EXOSC3: variants seen among roughly 807,000 people sequenced by gnomAD.
EXOSC3 encodes exosome component 3, also known as exosome complex component RRP40.
Under a neutral mutation model 25.1 loss-of-function variants are expected in EXOSC3, and 18 were observed. That is an observed-to-expected ratio of 0.72 (90% confidence interval 0.50 to 1.06). The LOEUF is 1.06. Ranked by LOEUF, EXOSC3 falls within the 50% of genes least tolerant of loss-of-function variation. The probability of loss-of-function intolerance (pLI) is 0.00; values close to 1 mark genes in which losing one functional copy is unlikely to be tolerated. For synonymous variants in EXOSC3, 165 were observed against 132.2 expected (o/e 1.25, Z -1.70); for missense variants, 382 against 350.9 (o/e 1.09, Z -0.71).
In EXOSC3 at chr9:37,783,979, C is replaced by T; in HGVS notation, c.409G>A (p.Glu137Lys). 1 of 1,613,972 alleles carries T rather than the reference C, an allele frequency of 6.2e-7. No individual in the cohort carries two copies. Among genetic ancestry groups the T allele is most frequent in the Non-Finnish European group, 8.5e-7 (1 of 1,179,982 alleles). ...GACAAGTAAGACAAAGAAGCTGGCT[C>T]ACTCCCTCCAACATCAACTTTGAAT... ...DIFKVDVGGS[E>K]PASLSYLSFE... is the part of the protein sequence containing the mutation. Residue 137 changes from glutamate to lysine, a missense_variant, in exon 2 of 4, where the codon GAG becomes AAG. By Grantham distance (56) the Glu-to-Lys change is moderately conservative. Coordinates refer to ENST00000327304, the MANE Select transcript of EXOSC3 (RefSeq NM_016042.4).
rs1030868091 is a variant in EXOSC3, at chr9:37,785,053, C to T, written c.-9G>A. 4.4e-6 allele frequency: 7 copies of T among 1,585,622 alleles called. No individual in the cohort carries two copies. The highest frequency in any genetic ancestry group is 1.3e-5 in the African/African-American group (1 of 74,584). ...GACGCAGGTTCGGCCATCGCGGGCT[C>T]CACCAAACACCGTTTCCGGTACCCG... On this transcript the variant is annotated 5_prime_UTR_variant, in exon 1 of 4. Coordinates refer to ENST00000327304, the MANE Select transcript of EXOSC3 (RefSeq NM_016042.4).
rs1421464001 is a variant in EXOSC3 at position 37,780,319 on chromosome 9, T to G, written c.*360A>C. The G allele has an allele frequency of 4.2e-6, 1 of 238,230 alleles. No individual in the cohort carries two copies. Among genetic ancestry groups the G allele is most frequent in the African/African-American group, 2.3e-5 (1 of 42,860 alleles). The allele number at this position is 238,230 out of a possible 1,614,324, so 14.8% of individuals were successfully genotyped here. On this transcript the variant is annotated 3_prime_UTR_variant, in exon 4 of 4. Coordinates refer to ENST00000327304, the MANE Select transcript of EXOSC3 (RefSeq NM_016042.4). ...CAGGTGACATTTCTTTGCTGCTTTA[T>G]ACTTAGGTATTCCACATTTCCTCTG...
chr9:37,781,807 A>G lies in EXOSC3; in HGVS notation c.626+179T>C. 3 of 663,440 alleles carry G rather than the reference A, an allele frequency of 4.5e-6. No individual in the cohort carries two copies. The South Asian group carries it at 6.4e-5, about 14-fold the overall frequency. The allele number at this position is 663,440 out of a possible 1,614,324, so 41.1% of individuals were successfully genotyped here. ...ACAGCCAAACACATCTGAATTTGAT[A>G]TGTTTCCAAGAAGATAGGATTAAAT... On this transcript the variant is annotated intron_variant, in intron 3 of 3. Transcript: ENST00000327304.
rs1417569890 is a variant in EXOSC3 at position 37,779,984 on chromosome 9, T to TA, written c.*694dup. ...TTGGATTCAGAAATCCTCATAGTGT[T>TA]ATTTATATAATGATAAAACTCAAAA... On this transcript the variant is annotated 3_prime_UTR_variant, in exon 4 of 4. Transcript: ENST00000327304. 6.6e-6 allele frequency: 1 copy of TA among 152,234 alleles called. No homozygotes were observed. Among genetic ancestry groups the TA allele is most frequent in the African/African-American group, 2.4e-5 (1 of 41,466 alleles). The allele number at this position is 152,234 out of a possible 1,614,324, so 9.4% of individuals were successfully genotyped here.
In EXOSC3 at chr9:37,780,251, AG is replaced by A. The variant is rs1263315991; in HGVS notation, c.*427del. Reference sequence around the variant, plus strand: ...AAACACAATACTTGGTAAATGAAAAAGTATTTCGTTGTTATATACTCACCCG... The same window carrying A: ...AAACACAATACTTGGTAAATGAAAAATATTTCGTTGTTATATACTCACCCG... On this transcript the variant is annotated 3_prime_UTR_variant, in exon 4 of 4. Coordinates refer to ENST00000327304, the MANE Select transcript of EXOSC3 (RefSeq NM_016042.4). 1 of 161,954 alleles carries A rather than the reference AG, an allele frequency of 6.2e-6. No homozygotes were observed. Among genetic ancestry groups the A allele is most frequent in the Non-Finnish European group, 1.3e-5 (1 of 74,302 alleles). 10.0% of individuals were successfully genotyped at this position (161,954 alleles called of 1,614,324 possible). A position where few individuals can be genotyped will look rare whatever the true frequency, so the allele number is the denominator to read the frequency against.
In EXOSC3 at chr9:37,780,134, A is replaced by C. The variant is rs542894858; in HGVS notation, c.*545T>G. The stretch of plus-strand genomic sequence containing the variant: ...ACTATAATTTCAATTTGATGAATAT[A>C]GAGAATGTAGGCCAAGTTAAATTCT... On this transcript the variant is annotated 3_prime_UTR_variant, in exon 4 of 4. Coordinates refer to ENST00000327304, the MANE Select transcript of EXOSC3 (RefSeq NM_016042.4). 6.5e-6 allele frequency: 1 copy of C among 152,962 alleles called. No individual in the cohort carries two copies. The highest frequency in any genetic ancestry group is 2.1e-4 in the South Asian group (1 of 4,864). The allele number at this position is 152,962 out of a possible 1,614,324, so 9.5% of individuals were successfully genotyped here. A position where few individuals can be genotyped will look rare whatever the true frequency, so the allele number is the denominator to read the frequency against.
chr9:37,780,634 C>T lies in EXOSC3; in HGVS notation c.*45G>A. 1 of 1,513,048 alleles carries T rather than the reference C, an allele frequency of 6.6e-7. No homozygotes were observed. Among genetic ancestry groups the T allele is most frequent in the Non-Finnish European group, 9.1e-7 (1 of 1,094,054 alleles). The allele number at this position is 1,513,048 out of a possible 1,614,324, so 93.7% of individuals were successfully genotyped here. A position where few individuals can be genotyped will look rare whatever the true frequency, so the allele number is the denominator to read the frequency against. ...ATGGGGGAGGTTCACCTGAAAAAAC[C>T]CATAGTTTTTTGCCTCAACTGACCT... On this transcript the variant is annotated 3_prime_UTR_variant, in exon 4 of 4. Transcript: ENST00000327304.
Position 37,780,818 on chromosome 9 carries a change from A to T in EXOSC3, c.689T>A (p.Val230Glu). 1 of 1,613,850 alleles carries T rather than the reference A, an allele frequency of 6.2e-7. No homozygotes were observed. The highest frequency in any genetic ancestry group is 8.5e-7 in the Non-Finnish European group (1 of 1,179,870). ...EVGKLYPLEIVFGMNGRIWVK... is the reference protein window; with the variant it reads ...EVGKLYPLEIEFGMNGRIWVK... ...CCATATTCTTCCATTCATTCCAAAT[A>T]CTATCTCCAGTGGATAGAGTTTTCC... is the stretch of plus-strand genomic sequence containing the variant. The change falls in exon 4 of 4, where the codon GTA becomes GAA. Residue 230 changes from valine to glutamate, a missense_variant. By Grantham distance (121) the Val-to-Glu change is moderately radical (BLOSUM62 -2). Coordinates refer to ENST00000327304, the MANE Select transcript of EXOSC3 (RefSeq NM_016042.4).
rs549030188 is a variant in EXOSC3 at position 37,785,032 on chromosome 9, C to A, written c.13G>T (p.Ala5Ser). ...GCGAGAGATTCAGCCGCGACAGACG[C>A]AGGTTCGGCCATCGCGGGCTCCACC... The part of the protein sequence containing the change: MAEP[A>S]SVAAESLAGS... The change falls in exon 1 of 4, where the codon GCG (alanine) becomes TCG (serine). Residue 5 changes from alanine (A) to serine (S), a missense_variant. Physicochemically the swap from Ala to Ser is moderately conservative, Grantham distance 99. Coordinates refer to ENST00000327304, the MANE Select transcript of EXOSC3 (RefSeq NM_016042.4). The A allele has an allele frequency of 3.3e-5, 52 of 1,597,676 alleles. No homozygotes were observed. The highest frequency in any genetic ancestry group is 1.5e-5 in the Non-Finnish European group (17 of 1,170,408).
In EXOSC3 at chr9:37,784,884, C is replaced by A; in HGVS notation, c.161G>T (p.Ser54Ile). The A allele has an allele frequency of 1.2e-6, 2 of 1,606,730 alleles. No individual in the cohort carries two copies. Among genetic ancestry groups the A allele is most frequent in the Non-Finnish European group, 1.7e-6 (2 of 1,176,752 alleles). The change falls in exon 1 of 4, where the codon AGC (serine) becomes ATC (isoleucine). Residue 54 changes from serine (S) to isoleucine (I), a missense_variant. Coordinates refer to ENST00000327304, the MANE Select transcript of EXOSC3 (RefSeq NM_016042.4). The stretch of plus-strand genomic sequence containing the variant: ...CCGCGAGCACGCTCTAGCATTCAGG[C>A]TCAACGGTCGCTCCACTGCACCCCC... ...GPGGAVERPLSLNARACSRVR... is the reference protein window; with the variant it reads ...GPGGAVERPLILNARACSRVR...
chr9:37,784,963 C>T lies in EXOSC3; in HGVS notation c.82G>A (p.Val28Met), dbSNP rs140159471. Residue 28 changes from valine to methionine, a missense_variant, in exon 1 of 4, where the codon GTG becomes ATG. Transcript: ENST00000327304. ...AGGAGCAGCTCCTCACCCGGGAGCA[C>T]CACCTGACCTAGTACTGTGCGTGCA... ...RAARTVLGQV[V>M]LPGEELLLPE... The T allele has an allele frequency of 6.2e-6, 10 of 1,613,176 alleles. No homozygotes were observed. The highest frequency in any genetic ancestry group is 8.5e-6 in the Non-Finnish European group (10 of 1,179,886).
At chr9:37,785,088 T>A (rs1293735725), upstream of EXOSC3, 5 of 1,542,332 alleles carry the variant, frequency 3.2e-6, no homozygotes, top group Non-Finnish European at 4.4e-6. Flanking sequence ...GCCTTCCGCT[T>A]CCGCTCCGCT....
In EXOSC3 at chr9:37,784,898, C is replaced by A. The variant is rs753407051; in HGVS notation, c.147G>T (p.Val49=). The A allele has an allele frequency of 1.9e-6, 3 of 1,607,054 alleles. No homozygotes were observed. The highest frequency in any genetic ancestry group is 2.5e-6 in the Non-Finnish European group (3 of 1,176,946). Residue 49 remains valine (V), a synonymous_variant, in exon 1 of 4, where the codon GTG becomes GTT. Coordinates refer to ENST00000327304, the MANE Select transcript of EXOSC3 (RefSeq NM_016042.4). ...QEDAEGPGGA[V]ERPLSLNARA... Reference sequence around the variant, plus strand: ...TAGCATTCAGGCTCAACGGTCGCTCCACTGCACCCCCAGGGCCTTCCGCGT... The same window carrying A: ...TAGCATTCAGGCTCAACGGTCGCTCAACTGCACCCCCAGGGCCTTCCGCGT...
Position 37,784,901 on chromosome 9 carries a change from T to G in EXOSC3, c.144A>C (p.Ala48=), listed in dbSNP as rs1314053202. 2 of 1,607,346 alleles carry G rather than the reference T, an allele frequency of 1.2e-6. No individual in the cohort carries two copies. The highest frequency in any genetic ancestry group is 1.7e-6 in the Non-Finnish European group (2 of 1,177,150). Residue 48 remains alanine, a synonymous_variant, in exon 1 of 4, where the codon GCA becomes GCC. Transcript: ENST00000327304. ...CATTCAGGCTCAACGGTCGCTCCAC[T>G]GCACCCCCAGGGCCTTCCGCGTCCT... ...EQEDAEGPGG[A]VERPLSLNAR... is the part of the protein sequence containing the mutation.
chr9:37,784,909 C>G lies in EXOSC3; in HGVS notation c.136G>C (p.Gly46Arg), dbSNP rs1228791845. The stretch of plus-strand genomic sequence containing the variant: ...CTCAACGGTCGCTCCACTGCACCCC[C>G]AGGGCCTTCCGCGTCCTCCTGTTCC... ...LPEQEDAEGPGGAVERPLSLN... is the reference protein window; with the variant it reads ...LPEQEDAEGPRGAVERPLSLN... Residue 46 changes from glycine to arginine, a missense_variant, in exon 1 of 4, where the codon GGG becomes CGG. Physicochemically the swap from Gly to Arg is moderately radical, Grantham distance 125. Transcript: ENST00000327304. The G allele has an allele frequency of 6.2e-7, 1 of 1,607,886 alleles. No homozygotes were observed. Among genetic ancestry groups the G allele is most frequent in the African/African-American group, 1.3e-5 (1 of 74,810 alleles).
At chr9:37,783,004 C>T (rs1589060343) in intron 2 of EXOSC3, among the ~76,000 whole-genome samples, 1 of 151,904 alleles carries the variant, frequency 6.6e-6, no homozygotes, top group African/African-American at 2.4e-5. Context: ...CCATAGGGTG[C>T]GAAGGGATAG....
chr9:37,780,497 T>C lies in EXOSC3; in HGVS notation c.*182A>G, dbSNP rs1828559916. 1 of 589,226 alleles carries C rather than the reference T, an allele frequency of 1.7e-6. No individual in the cohort carries two copies. Among genetic ancestry groups the C allele is most frequent in the Admixed American group, 3.2e-5 (1 of 31,078 alleles). 36.5% of individuals were successfully genotyped at this position (589,226 alleles called of 1,614,324 possible). Reference sequence around the variant, plus strand: ...TTATTGTACCGAACAAAAAAAATGATTTTGCAATGATTTTCTCTCCCACAA... The same window carrying C: ...TTATTGTACCGAACAAAAAAAATGACTTTGCAATGATTTTCTCTCCCACAA... On this transcript the variant is annotated 3_prime_UTR_variant, in exon 4 of 4. Coordinates refer to ENST00000327304, the MANE Select transcript of EXOSC3 (RefSeq NM_016042.4).
chr9:37,783,960 T>G lies in EXOSC3; in HGVS notation c.428A>C (p.Tyr143Ser). 6.2e-7 allele frequency: 1 copy of G among 1,613,616 alleles called. No homozygotes were observed. Among genetic ancestry groups the G allele is most frequent in the Non-Finnish European group, 8.5e-7 (1 of 1,179,954 alleles). Reference sequence around the variant, plus strand: ...TTTAGTTGCACCTTCAAATGACAAGTAAGACAAAGAAGCTGGCTCACTCCC... The same window carrying G: ...TTTAGTTGCACCTTCAAATGACAAGGAAGACAAAGAAGCTGGCTCACTCCC... ...VGGSEPASLSYLSFEGATKRN... is the reference protein window; with the variant it reads ...VGGSEPASLSSLSFEGATKRN... Residue 143 changes from tyrosine to serine, a missense_variant, in exon 2 of 4, where the codon TAC becomes TCC. Tyr to Ser is a moderately radical substitution (Grantham distance 144). Coordinates refer to ENST00000327304, the MANE Select transcript of EXOSC3 (RefSeq NM_016042.4).
At position 37,782,072 on chromosome 9, in the gene EXOSC3, A is replaced by G. The variant is rs62640003; in HGVS notation, c.540T>C (p.Cys180=). The stretch of plus-strand genomic sequence containing the variant: ...CATTGGCTCGTCCACAGCTGTCAAT[A>G]CAGACCATCTCTGGTTCCATGTCTT... ...ANKDMEPEMV[C]IDSCGRANGM... is the part of the protein sequence containing the mutation. The change falls in exon 3 of 4, where the codon TGT becomes TGC. Residue 180 remains cysteine (C), a synonymous_variant. Coordinates refer to ENST00000327304, the MANE Select transcript of EXOSC3 (RefSeq NM_016042.4). 1,244 of 1,614,168 alleles carry G rather than the reference A, an allele frequency of 7.7e-4. 7 individuals carry two copies. In the African/African-American group the frequency reaches 0.015, roughly 19 times the overall value.
Sources: allele counts gnomAD v4.1 joint callset (sites outside exome capture counted in the v4.1 genomes callset), GRCh38; gene constraint gnomAD v4.1.1; transcripts MANE v1.5; gene names NCBI Gene and HGNC (gene_info 2026-07-23, HGNC 2026-07-21).